The following STK33 variants were observed in gnomAD, a reference collection of about 807,000 sequenced individuals.
STK33 encodes the protein serine/threonine kinase 33.
Under a neutral mutation model 58.0 loss-of-function variants are expected in STK33, and 52 were observed. That is an observed-to-expected ratio of 0.90 (90% confidence interval 0.72 to 1.13). The LOEUF is 1.13. Ranked by LOEUF, STK33 falls within the 50% of genes most tolerant of loss-of-function variation. The pLI, the probability that STK33 is intolerant of heterozygous loss-of-function variation, is 0.00. For synonymous variants in STK33, 215 were observed against 200.1 expected, an observed-to-expected ratio of 1.07 and a Z score of -0.63; for missense variants, 630 against 604.2, an observed-to-expected ratio of 1.04 and a Z score of -0.45.
At chr11:8,566,863 T>C (rs1258829079) in intron 1 of STK33, among the ~76,000 whole-genome samples, 2 of 152,188 alleles carry the variant, frequency 1.3e-5, no homozygotes, top group African/African-American at 2.4e-5. Flanking sequence ...GTCGAACCTA[T>C]GACATTGTTA....
Position 8,532,602 on chromosome 11 carries a change from T to C in STK33, c.-465-51988A>G, listed in dbSNP as rs188912377. Among the ~76,000 whole-genome samples the C allele has an allele frequency of 2.2e-3, 340 of 152,340 alleles. 3 individuals carry two copies. The highest frequency in any genetic ancestry group is 7.7e-3 in the African/African-American group (322 of 41,572). On this transcript the variant is annotated intron_variant, in intron 1 of 15. Transcript: ENST00000687296. ...TCCATTGGTTAAGGTGCAAAACTAA[T>C]ATGACAAATAGTTTTCATGGCACAG...
At chr11:8,569,536 T>C (rs1957662519) in intron 1 of STK33, among the ~76,000 whole-genome samples, 1 of 152,238 alleles carries the variant, frequency 6.6e-6, no homozygotes, top group Admixed American at 6.5e-5. Context: ...AGAATGTTTT[T>C]ATGACTTTCA....
At chr11:8,458,106 G>T (rs555451377) in intron 8 of STK33, among the ~76,000 whole-genome samples, 1 of 152,240 alleles carries the variant, frequency 6.6e-6, no homozygotes, top group African/African-American at 2.4e-5. Context: ...GTTGCGGGGT[G>T]CACGTGTATG....
intron 1 of STK33, among the ~76,000 whole-genome samples, chr11:8,519,150 C>T (rs1403689825): frequency 6.6e-6 from 1 of 152,120 alleles, no homozygotes; most frequent in East Asian, 1.9e-4. Flanking sequence ...TCTCTCAGAC[C>T]ACAGTGCAAA....
At chr11:8,414,332 T>C (rs998380085) in intron 14 of STK33, among the ~76,000 whole-genome samples, 1 of 152,162 alleles carries the variant, frequency 6.6e-6, no homozygotes. Context: ...TAATACCCCA[T>C]GTAATGTGCC....
chr11:8,452,946 T>A, intron 10 of STK33, 40 bp from the exon 11 acceptor site: 1 of 1,538,766 alleles, frequency 6.5e-7, no homozygotes, highest in Non-Finnish European at 9.0e-7. Context: ...TGTTTTCCTG[T>A]CCTAGAGCTC....
chr11:8,535,001 G>C (rs996018759), intron 1 of STK33, among the ~76,000 whole-genome samples: 1 of 152,176 alleles, frequency 6.6e-6, no homozygotes. Flanking sequence ...AGACGTCAGA[G>C]AAGGGGAGAG....
In STK33 at chr11:8,413,481, A is replaced by G. The variant is rs771972595; in HGVS notation, c.1344+14T>C. The G allele has an allele frequency of 8.1e-6, 13 of 1,613,338 alleles. 1 individual carries two copies. In the East Asian group the frequency reaches 1.3e-4, roughly 17 times the overall value. On this transcript the variant is annotated intron_variant, in intron 15 of 15. Coordinates refer to ENST00000687296, the MANE Select transcript of STK33 (RefSeq NM_001352389.2). ...TTTTACACTTGGGAGAAATGCAGCA[A>G]TGATTCTTCCTACCTGTTTTTCCTC...
At chr11:8,488,269 G>C (rs1950327198) in intron 1 of STK33, among the ~76,000 whole-genome samples, 1 of 152,078 alleles carries the variant, frequency 6.6e-6, no homozygotes, top group Non-Finnish European at 1.5e-5. Flanking sequence ...GATAACACTT[G>C]GAGCAACAAC....
chr11:8,422,101 C>G (rs1231968357), intron 14 of STK33, among the ~76,000 whole-genome samples: 2 of 152,108 alleles, frequency 1.3e-5, no homozygotes, highest in African/African-American at 4.8e-5. Context: ...AAATCCTTCT[C>G]GCATTTCCTA....
At chr11:8,401,179 G>T (rs1330502142) in intron 15 of STK33, among the ~76,000 whole-genome samples, 2 of 152,242 alleles carry the variant, frequency 1.3e-5, no homozygotes, top group East Asian at 3.9e-4. Flanking sequence ...TAAGCCAAAA[G>T]AACAAAGCTG....
At chr11:8,435,424 T>C in intron 14 of STK33, 70 bp downstream of exon 14, 2 of 876,282 alleles carry the variant, frequency 2.3e-6, no homozygotes, top group Non-Finnish European at 1.6e-6. Flanking sequence ...TGAAGAAAAC[T>C]CCAAGACAAA....
the STK33 span, among the ~76,000 whole-genome samples, chr11:8,347,141 TTCTC>T: frequency 3.1e-3 from 476 of 152,296 alleles, 1 homozygote; most frequent in African/African-American, 0.01. Context: ...TCAGGACTGT[TTCTC>T]TCCCCTTTCG....
chr11:8,373,227 C>T, the STK33 span, among the ~76,000 whole-genome samples: 2 of 151,710 alleles, frequency 1.3e-5, no homozygotes, highest in Non-Finnish European at 2.9e-5. Context: ...AGCTCAGAAC[C>T]CACATGTTTC....
At chr11:8,483,219 C>G (rs1226248733) in intron 1 of STK33, among the ~76,000 whole-genome samples, 1 of 151,968 alleles carries the variant, frequency 6.6e-6, no homozygotes, top group Non-Finnish European at 1.5e-5. Flanking sequence ...CCTGTGAACA[C>G]GTCAAGGAAA....
chr11:8,436,196 T>G, intron 12 of STK33, 57 bp from the exon 13 acceptor site: 1 of 1,045,318 alleles, frequency 9.6e-7, no homozygotes, highest in Non-Finnish European at 1.3e-6. Flanking sequence ...ATAAGCCTAT[T>G]AAAATTAAGT....
intron 14 of STK33, among the ~76,000 whole-genome samples, chr11:8,431,379 T>A (rs886152259): frequency 6.6e-6 from 1 of 152,126 alleles, no homozygotes; most frequent in South Asian, 2.1e-4. Flanking sequence ...ATGTTAAAGC[T>A]AAAGGTCAAA....
At chr11:8,371,703 T>C in the STK33 span, among the ~76,000 whole-genome samples, 1 of 144,986 alleles carries the variant, frequency 6.9e-6, no homozygotes, top group African/African-American at 2.5e-5. Context: ...TTCCCCTTTC[T>C]TCCTTTCATT....
the STK33 span, among the ~76,000 whole-genome samples, chr11:8,346,353 A>T: frequency 6.6e-6 from 1 of 152,190 alleles, no homozygotes; most frequent in East Asian, 1.9e-4. Context: ...GTGTGAAGGC[A>T]GTCCCTGCGG....
Sources: allele counts gnomAD v4.1 joint callset (sites outside exome capture counted in the v4.1 genomes callset), GRCh38; gene constraint gnomAD v4.1.1; transcripts MANE v1.5; gene names NCBI Gene and HGNC (gene_info 2026-07-23, HGNC 2026-07-21).